The following KCNQ3 variants were observed in gnomAD, a reference collection of about 807,000 sequenced individuals.
The protein encoded by KCNQ3 is potassium voltage-gated channel subfamily Q member 3.
KCNQ3 carries 30 observed loss-of-function variants against 92.5 expected under a neutral mutation model. The observed-to-expected ratio is 0.32, with a 90% CI of 0.24 to 0.44. KCNQ3 has a LOEUF of 0.44. Ranked by LOEUF, KCNQ3 falls within the 20% of genes least tolerant of loss-of-function variation. KCNQ3 has a pLI of 1.00. For missense variants in KCNQ3, 913 were observed against 1,140.3 expected (o/e 0.80, Z 2.87); for synonymous variants, 450 against 468.8 (o/e 0.96, Z 0.52).
chr8:132,347,770 A>G (rs1051968758), intron 1 of KCNQ3, among the ~76,000 whole-genome samples: 22 of 151,936 alleles, frequency 1.4e-4, no homozygotes, highest in African/African-American at 5.1e-4. Context: ...GAGGTCAGGA[A>G]ATCGAGACCA....
intron 1 of KCNQ3, among the ~76,000 whole-genome samples, chr8:132,362,896 G>T (rs1819209492): frequency 6.6e-6 from 1 of 152,186 alleles, no homozygotes; most frequent in Non-Finnish European, 1.5e-5. Context: ...GGCGGCGTGG[G>T]TTGTAAACAG....
At chr8:132,187,833 TGTGGTGGTGGTGGTGGTA>T (rs1827034016) in intron 1 of KCNQ3, among the ~76,000 whole-genome samples, 1 of 77,240 alleles carries the variant, frequency 1.3e-5, no homozygotes, top group Admixed American at 1.4e-4. Context: ...TGGTGGTGAT[TGTGGTGGTGGTGGTGGTA>T]GTGATGGTGG....
chr8:132,214,873 G>A (rs1813975688), intron 1 of KCNQ3, among the ~76,000 whole-genome samples: 1 of 152,176 alleles, frequency 6.6e-6, no homozygotes, highest in African/African-American at 2.4e-5. Flanking sequence ...GGTGCTCCAG[G>A]AATACTTTTT....
At position 132,129,163 on chromosome 8, in the gene KCNQ3, C is replaced by A; in HGVS notation, c.*99G>T. The stretch of plus-strand genomic sequence containing the variant: ...ACCACGCACACGCATGCATTTGATG[C>A]AGCCATTGGTGTCCCCGCTGGTAAG... On this transcript the variant is annotated 3_prime_UTR_variant, in exon 15 of 15. Transcript: ENST00000388996. This position sits in a 1 kb window ranked among gnomAD's most constrained non-coding sequence, Gnocchi z 5.9. 1 of 1,428,828 alleles carries A rather than the reference C, an allele frequency of 7.0e-7. No homozygotes were observed. The highest frequency in any genetic ancestry group is 9.6e-7 in the Non-Finnish European group (1 of 1,040,692). The allele number at this position is 1,428,828 out of a possible 1,614,324, so 88.5% of individuals were successfully genotyped here. A position where few individuals can be genotyped will look rare whatever the true frequency, so the allele number is the denominator to read the frequency against.
chr8:132,379,506 C>T (rs1819689957), intron 1 of KCNQ3, among the ~76,000 whole-genome samples: 1 of 152,148 alleles, frequency 6.6e-6, no homozygotes, highest in African/African-American at 2.4e-5. Context: ...TGCACAGCTA[C>T]CCTCCCACTG....
intron 1 of KCNQ3, among the ~76,000 whole-genome samples, chr8:132,260,941 T>C (rs1256321485): frequency 6.6e-6 from 1 of 152,200 alleles, no homozygotes; most frequent in African/African-American, 2.4e-5. Context: ...TATTGAGATA[T>C]AATTCATATA....
chr8:132,308,811 G>A (rs1817510407), intron 1 of KCNQ3, among the ~76,000 whole-genome samples: 1 of 152,316 alleles, frequency 6.6e-6, no homozygotes, highest in Middle Eastern at 3.4e-3. Flanking sequence ...GAGGGGTTAA[G>A]TAAACTGCTT....
At chr8:132,227,307 G>A (rs536538914) in intron 1 of KCNQ3, among the ~76,000 whole-genome samples, 10 of 152,048 alleles carry the variant, frequency 6.6e-5, no homozygotes, top group South Asian at 2.1e-4. Context: ...TGATCTTCCC[G>A]CCTCGGCCTC....
At chr8:132,378,004 C>A (rs1014014075) in intron 1 of KCNQ3, among the ~76,000 whole-genome samples, 1 of 151,986 alleles carries the variant, frequency 6.6e-6, no homozygotes, top group Admixed American at 6.6e-5. Context: ...GAAGGTTCTA[C>A]AAGGACAGAT....
chr8:132,351,011 T>C (rs1586948926), intron 1 of KCNQ3, among the ~76,000 whole-genome samples: 1 of 152,014 alleles, frequency 6.6e-6, no homozygotes, highest in African/African-American at 2.4e-5. Flanking sequence ...CCACCACTAA[T>C]AACTAGGGGC....
At chr8:132,197,871 TG>T (rs763169339) in intron 1 of KCNQ3, among the ~76,000 whole-genome samples, 1 of 152,220 alleles carries the variant, frequency 6.6e-6, no homozygotes, top group Non-Finnish European at 1.5e-5. Context: ...TGCAAGTACC[TG>T]CCATGTTTCC....
At chr8:132,220,991 G>T (rs973805089) in intron 1 of KCNQ3, among the ~76,000 whole-genome samples, 1 of 151,914 alleles carries the variant, frequency 6.6e-6, no homozygotes, top group East Asian at 1.9e-4. Context: ...GACAGGCCCC[G>T]GGGTGTGATG....
chr8:132,355,532 A>G (rs1441427415), intron 1 of KCNQ3, among the ~76,000 whole-genome samples: 1 of 152,142 alleles, frequency 6.6e-6, no homozygotes, highest in Non-Finnish European at 1.5e-5. Context: ...GAAATTGATG[A>G]GAGTTTAAGA....
At chr8:132,204,300 T>A (rs1290928938) in intron 1 of KCNQ3, among the ~76,000 whole-genome samples, 1 of 152,244 alleles carries the variant, frequency 6.6e-6, no homozygotes, top group Non-Finnish European at 1.5e-5. Flanking sequence ...TTATTTGGCC[T>A]AAGCCTTATT....
At chr8:132,430,113 G>T (rs977055051) in intron 1 of KCNQ3, among the ~76,000 whole-genome samples, 4 of 152,140 alleles carry the variant, frequency 2.6e-5, no homozygotes, top group Non-Finnish European at 5.9e-5. Context: ...ATCTCAACCA[G>T]AGAGGCCTCT....
chr8:132,292,841 G>T (rs1030574986), intron 1 of KCNQ3, among the ~76,000 whole-genome samples: 1 of 152,122 alleles, frequency 6.6e-6, no homozygotes, highest in African/African-American at 2.4e-5. Flanking sequence ...ATCTGATTGT[G>T]GATCAGAAGA....
intron 1 of KCNQ3, among the ~76,000 whole-genome samples, chr8:132,308,512 C>A (rs893989847): frequency 5.9e-5 from 9 of 152,086 alleles, no homozygotes; most frequent in Non-Finnish European, 8.8e-5. Context: ...AGTACAACAG[C>A]AAAAAGAAAA....
At chr8:132,479,752 C>T (rs1190639863) in intron 1 of KCNQ3, among the ~76,000 whole-genome samples, 2 of 151,806 alleles carry the variant, frequency 1.3e-5, no homozygotes, top group Non-Finnish European at 2.9e-5. Flanking sequence ...AAACACAGAG[C>T]TCACGGGAGG....
At chr8:132,220,820 A>AT (rs879336344) in intron 1 of KCNQ3, among the ~76,000 whole-genome samples, 1,910 of 145,784 alleles carry the variant, frequency 0.013, 102 homozygotes, top group Admixed American at 0.09. Flanking sequence ...ACTTTTTTTT[A>AT]TTTTTTTTAT....
Sources: allele counts gnomAD v4.1 joint callset (sites outside exome capture counted in the v4.1 genomes callset), GRCh38; gene constraint gnomAD v4.1.1; non-coding constraint Gnocchi (gnomAD v3.1); transcripts MANE v1.5; gene names NCBI Gene and HGNC (gene_info 2026-07-23, HGNC 2026-07-21).